The following ARFGEF2 variants were observed in gnomAD, a reference collection of about 807,000 sequenced individuals.
ARFGEF2 encodes brefeldin A-inhibited guanine nucleotide-exchange protein 2.
In ARFGEF2, 74 loss-of-function variants were observed where a neutral mutation model predicts 219.9. The ratio of observed to expected loss-of-function variants is 0.34; its 90% confidence interval spans 0.28 to 0.41. The LOEUF (loss-of-function observed/expected upper bound fraction) is 0.41. Ranked by LOEUF, ARFGEF2 falls within the 10% of genes least tolerant of loss-of-function variation. The probability of loss-of-function intolerance (pLI) is 1.00; values close to 1 mark genes in which losing one functional copy is unlikely to be tolerated. For missense variants in ARFGEF2, 1,743 were observed against 2,218.3 expected, an observed-to-expected ratio of 0.79 and a Z score of 4.30; for synonymous variants, 733 against 799.2, an observed-to-expected ratio of 0.92 and a Z score of 1.40.
At chr20:48,945,637 CT>C (rs1271503974) in intron 3 of ARFGEF2, among the ~76,000 whole-genome samples, 3 of 152,160 alleles carry the variant, frequency 2.0e-5, no homozygotes, top group Non-Finnish European at 2.9e-5. Context: ...AGGAGGATCA[CT>C]TGAGGCCAGG....
Position 48,971,189 on chromosome 20 carries a change from C to T in ARFGEF2, c.1260C>T (p.Pro420=), listed in dbSNP as rs757576446. 34 of 1,613,970 alleles carry T rather than the reference C, an allele frequency of 2.1e-5. No individual in the cohort carries two copies. The Admixed American group carries it at 2.7e-4, about 13-fold the overall frequency. ...LLLSVLQNAG[P]VFRTHEMFIN... Reference sequence around the variant, plus strand: ...TCTCTGTGTTGCAAAATGCTGGCCCCGTATTCAGGACTCACGAGATGTTCA... The same window carrying T: ...TCTCTGTGTTGCAAAATGCTGGCCCTGTATTCAGGACTCACGAGATGTTCA... Residue 420 remains proline (P), a synonymous_variant, in exon 10 of 39, where the codon CCC becomes CCT. Transcript: ENST00000371917.
chr20:49,028,427 A>T, intron 36 of ARFGEF2, 103 bp from the exon 37 acceptor site: 1 of 1,318,126 alleles, frequency 7.6e-7, no homozygotes, highest in Non-Finnish European at 1.1e-6. Context: ...CAAGAAAAAA[A>T]CAGATGTTTC....
intron 1 of ARFGEF2, among the ~76,000 whole-genome samples, chr20:48,936,129 C>A (rs2090952783): frequency 1.4e-5 from 2 of 143,072 alleles, no homozygotes; most frequent in Non-Finnish European, 3.1e-5. Flanking sequence ...GGGGGCTGAC[C>A]CCCCCACCTC....
rs371796621 is a variant in ARFGEF2 at position 48,933,147 on chromosome 20, C to G, written c.122-8052C>G. Among the ~76,000 whole-genome samples, 8 of 152,220 alleles carry G rather than the reference C, an allele frequency of 5.3e-5. No homozygotes were observed. The East Asian group carries it at 9.6e-4, about 18-fold the overall frequency. On this transcript the variant is annotated intron_variant, in intron 1 of 38. Coordinates refer to ENST00000371917, the MANE Select transcript of ARFGEF2 (RefSeq NM_006420.3). ...CGCGGCTTTTCAGCTGCAGCTGCCC[C>G]ACCCTGCTCCAGTCTCCCTCATTTC...
At chr20:48,939,673 A>G (rs957558485) in intron 1 of ARFGEF2, among the ~76,000 whole-genome samples, 6 of 152,250 alleles carry the variant, frequency 3.9e-5, no homozygotes, top group African/African-American at 1.4e-4. Flanking sequence ...GTCCATGAGC[A>G]AAATGGTTGC....
intron 15 of ARFGEF2, 23 bp downstream of exon 15, chr20:48,984,863 T>A: frequency 6.2e-7 from 1 of 1,612,192 alleles, no homozygotes; most frequent in Non-Finnish European, 8.5e-7. Context: ...GGTGTAGCAC[T>A]TGCATGTGAG....
At position 49,033,280 on chromosome 20, in the gene ARFGEF2, A is replaced by G. The variant is rs1305566660; in HGVS notation, c.*81A>G. 71 of 1,542,080 alleles carry G rather than the reference A, an allele frequency of 4.6e-5. No homozygotes were observed. The highest frequency in any genetic ancestry group is 6.2e-5 in the Non-Finnish European group (70 of 1,122,594). On this transcript the variant is annotated 3_prime_UTR_variant, in exon 39 of 39. Coordinates refer to ENST00000371917, the MANE Select transcript of ARFGEF2 (RefSeq NM_006420.3). ...TGACTGGCACATCTCGTGAAGTTTC[A>G]TAGAAACAAGGAGTTGGCATCTTGG... is the stretch of plus-strand genomic sequence containing the variant.
intron 31 of ARFGEF2, 108 bp from the exon 32 acceptor site, chr20:49,017,141 A>G (rs979515498): frequency 2.9e-5 from 33 of 1,146,694 alleles, no homozygotes; most frequent in Non-Finnish European, 3.8e-5. Flanking sequence ...TTAAAAGCCT[A>G]GAAACTCACC....
chr20:48,973,362 A>G (rs934994196), intron 12 of ARFGEF2, 78 bp downstream of exon 12: 31 of 1,476,354 alleles, frequency 2.1e-5, no homozygotes, highest in Non-Finnish European at 2.6e-5. Flanking sequence ...ACCACATGCC[A>G]GGCACTGTCC....
intron 34 of ARFGEF2, among the ~76,000 whole-genome samples, chr20:49,019,279 T>C (rs775098472): frequency 4.6e-5 from 7 of 152,256 alleles, no homozygotes; most frequent in Admixed American, 6.5e-5. Context: ...TCCATATACA[T>C]TGACATATAC....
chr20:48,963,964 A>G, intron 7 of ARFGEF2, 66 bp downstream of exon 7: 1 of 1,480,820 alleles, frequency 6.8e-7, no homozygotes, highest in South Asian at 1.2e-5. Flanking sequence ...TCAGCAAAAT[A>G]TTTTAGTGGT....
At chr20:48,987,219 G>T (rs1382482228) in intron 16 of ARFGEF2, among the ~76,000 whole-genome samples, 2 of 152,208 alleles carry the variant, frequency 1.3e-5, no homozygotes, top group Non-Finnish European at 2.9e-5. Flanking sequence ...GGACCTGGGA[G>T]CCTTGGTCTG....
intron 11 of ARFGEF2, 142 bp from the exon 12 acceptor site, chr20:48,973,003 T>C: frequency 1.1e-6 from 1 of 900,822 alleles, no homozygotes. Flanking sequence ...TCCTAGTACT[T>C]CCAACATGTG....
chr20:48,947,080 T>C (rs1260752120), intron 3 of ARFGEF2, among the ~76,000 whole-genome samples: 1 of 152,162 alleles, frequency 6.6e-6, no homozygotes, highest in East Asian at 1.9e-4. Flanking sequence ...ATCCTGCCAA[T>C]ATATTCATAT....
intron 19 of ARFGEF2, 42 bp from the exon 20 acceptor site, chr20:48,989,514 G>A (rs372641783): frequency 2.4e-5 from 38 of 1,614,060 alleles, no homozygotes; most frequent in South Asian, 7.7e-5. Context: ...CTCTTTCCAC[G>A]CTAAAACTCT....
chr20:48,940,888 A>G (rs995912866), intron 1 of ARFGEF2, among the ~76,000 whole-genome samples: 1 of 152,162 alleles, frequency 6.6e-6, no homozygotes, highest in Non-Finnish European at 1.5e-5. Flanking sequence ...TCATCCCCAA[A>G]TGTCAGTGGT....
At chr20:49,015,897 A>G (rs2091527025) in intron 30 of ARFGEF2, among the ~76,000 whole-genome samples, 1 of 152,198 alleles carries the variant, frequency 6.6e-6, no homozygotes, top group Non-Finnish European at 1.5e-5. Context: ...CATCTACTGG[A>G]TTATTCATCT....
In ARFGEF2 at chr20:48,984,643, CTAT is replaced by C. The variant is rs2091316280; in HGVS notation, c.1959-78_1959-76del. 5.9e-6 allele frequency: 9 copies of C among 1,515,496 alleles called. No individual in the cohort carries two copies. The Admixed American group carries it at 1.3e-4, about 23-fold the overall frequency. 93.9% of individuals were successfully genotyped at this position (1,515,496 alleles called of 1,614,324 possible). Reference sequence around the variant, plus strand: ...TACGTGATGGCATGTTCATAGTATTCTATTATTATTTATCTCAAATACCAGCTT... The same window carrying C: ...TACGTGATGGCATGTTCATAGTATTCTATTATTTATCTCAAATACCAGCTT... On this transcript the variant is annotated intron_variant, in intron 14 of 38. Transcript: ENST00000371917.
At chr20:48,982,347 T>G (rs917563975) in intron 14 of ARFGEF2, among the ~76,000 whole-genome samples, 2 of 152,102 alleles carry the variant, frequency 1.3e-5, no homozygotes, top group African/African-American at 2.4e-5. Context: ...GAACAGCAAA[T>G]ATTGCTGCCT....
Sources: allele counts gnomAD v4.1 joint callset (sites outside exome capture counted in the v4.1 genomes callset), GRCh38; gene constraint gnomAD v4.1.1; transcripts MANE v1.5; gene names NCBI Gene and HGNC (gene_info 2026-07-23, HGNC 2026-07-21).